Variants in TUBGCP3 observed in about 807,000 individuals in gnomAD.
The protein encoded by TUBGCP3 is gamma-tubulin complex component 3.
A neutral mutation model predicts 123.1 loss-of-function variants in TUBGCP3; 50 were observed. The ratio of observed to expected loss-of-function variants is 0.41; its 90% CI spans 0.32 to 0.51. The LOEUF (loss-of-function observed/expected upper bound fraction) is 0.51, where lower values mean the gene tolerates loss of function less well. TUBGCP3 is among the 20% of genes least tolerant of loss of function. The pLI is 0.36. For missense variants in TUBGCP3, 882 were observed against 1,127.0 expected (o/e 0.78, Z 3.11); for synonymous variants, 405 against 413.9 (o/e 0.98, Z 0.26).
intron 3 of TUBGCP3, 39 bp downstream of exon 3, chr13:112,565,072 A>C (rs113157783): frequency 6.4e-7 from 1 of 1,572,726 alleles, no homozygotes; most frequent in Non-Finnish European, 8.7e-7. Flanking sequence ...TCATATCCTC[A>C]ACAATGAGTG....
rs1876838552 is a variant in TUBGCP3, at chr13:112,524,012, C to A, written c.1556-1503G>T. ...GCCATGGACAGGACGACGGGGACCA[C>A]AGGAGTCGTCACAGAGAAGCAGCAG... On this transcript the variant is annotated intron_variant, in intron 13 of 21. Transcript: ENST00000261965. This position sits in a 1 kb window ranked among gnomAD's most constrained non-coding sequence, Gnocchi z 4.4. 6.6e-6 allele frequency among the ~76,000 whole-genome samples: 1 copy of A among 152,160 alleles called. No individual in the cohort carries two copies. Among genetic ancestry groups the A allele is most frequent in the Non-Finnish European group, 1.5e-5 (1 of 68,040 alleles).
the TUBGCP3 span, chr13:112,605,097 A>T: frequency 6.6e-6 from 1 of 152,248 alleles, no homozygotes; most frequent in African/African-American, 2.4e-5. Flanking sequence ...ACTTAAGGTC[A>T]GGAGTTTGAG....
Position 112,555,979 on chromosome 13 carries a change from G to A in TUBGCP3, c.721+73C>T, listed in dbSNP as rs542279318. On this transcript the variant is annotated intron_variant, in intron 6 of 21. Coordinates refer to ENST00000261965, the MANE Select transcript of TUBGCP3 (RefSeq NM_006322.6). ...AGGTTTGAGGTGGGGCTCCTGGGCT[G>A]TACTTTAAAATAAGGAGAGGCTGAA... 4.2e-5 allele frequency: 63 copies of A among 1,517,408 alleles called. No homozygotes were observed. The African/African-American group carries it at 7.1e-4, about 17-fold the overall frequency. The allele number at this position is 1,517,408 out of a possible 1,614,324, so 94.0% of individuals were successfully genotyped here.
the TUBGCP3 span, chr13:112,603,065 G>A: frequency 4.6e-5 from 7 of 152,190 alleles, no homozygotes; most frequent in Non-Finnish European, 7.3e-5. Flanking sequence ...TACTACTGAC[G>A]AGAAGAAATC....
chr13:112,572,172 T>C (rs1375660128), intron 1 of TUBGCP3, among the ~76,000 whole-genome samples: 1 of 152,240 alleles, frequency 6.6e-6, no homozygotes, highest in African/African-American at 2.4e-5. Context: ...GCTTTTGGCA[T>C]GCCTTCCTCA....
rs1280480847 is a variant in TUBGCP3 at position 112,548,944 on chromosome 13, A to G, written c.967-768T>C. ...CAGTGTGGCGATTCCTCAAGGATCT[A>G]GAGCTAGAAATACCATTTGACCCAG... is the stretch of plus-strand genomic sequence containing the variant. On this transcript the variant is annotated intron_variant, in intron 8 of 21. Transcript: ENST00000261965. Among the ~76,000 whole-genome samples, 6 of 152,348 alleles carry G rather than the reference A, an allele frequency of 3.9e-5. No homozygotes were observed. In the South Asian group the frequency reaches 1.2e-3, roughly 32 times the overall value.
intron 17 of TUBGCP3, among the ~76,000 whole-genome samples, chr13:112,512,044 A>C (rs748889302): frequency 1.8e-4 from 27 of 152,216 alleles, no homozygotes; most frequent in Admixed American, 2.6e-4. Flanking sequence ...TTAGACAAGA[A>C]ATAATTGAGT....
In TUBGCP3 at chr13:112,520,019, G is replaced by A. The variant is rs769047033; in HGVS notation, c.1748C>T (p.Pro583Leu). The A allele has an allele frequency of 3.7e-6, 6 of 1,604,708 alleles. No individual in the cohort carries two copies. The highest frequency in any genetic ancestry group is 5.1e-6 in the Non-Finnish European group (6 of 1,177,056). The change falls in exon 15 of 22, where the codon CCA becomes CTA. Residue 583 changes from proline (P) to leucine (L), a missense_variant and splice_region_variant. Coordinates refer to ENST00000261965, the MANE Select transcript of TUBGCP3 (RefSeq NM_006322.6). Reference sequence around the variant, plus strand: ...AGTCGTAGCTGGACGGACAAGTTCTGGTCTTAACAAATTTTTTAAAAATTA... The same window carrying A: ...AGTCGTAGCTGGACGGACAAGTTCTAGTCTTAACAAATTTTTTAAAAATTA... Reference protein sequence around the residue: ...FIRHLMDLLKPELVRPATTLY... With the variant: ...FIRHLMDLLKLELVRPATTLY...
chr13:112,517,946 T>C (rs1377053301), intron 16 of TUBGCP3, among the ~76,000 whole-genome samples: 1 of 152,166 alleles, frequency 6.6e-6, no homozygotes, highest in Non-Finnish European at 1.5e-5. Flanking sequence ...GCTTTTTGCA[T>C]TGTAACTATT....
intron 20 of TUBGCP3, among the ~76,000 whole-genome samples, chr13:112,496,385 C>T (rs922846221): frequency 6.6e-6 from 1 of 152,220 alleles, no homozygotes; most frequent in East Asian, 1.9e-4. Context: ...GCTTCGGTCC[C>T]AGCACACACC....
chr13:112,502,411 G>A (rs1021984601), intron 19 of TUBGCP3, among the ~76,000 whole-genome samples: 4 of 152,146 alleles, frequency 2.6e-5, no homozygotes, highest in African/African-American at 7.2e-5. Context: ...AATGCTTGTC[G>A]GCATCTGCTG....
At chr13:112,573,858 C>T (rs1594222987) in intron 1 of TUBGCP3, among the ~76,000 whole-genome samples, 1 of 152,204 alleles carries the variant, frequency 6.6e-6, no homozygotes, top group African/African-American at 2.4e-5. Flanking sequence ...AGAGGAGCAG[C>T]CCAACAGGGC....
upstream of TUBGCP3, among the ~76,000 whole-genome samples, chr13:112,590,831 AC>A (rs1220850101): frequency 6.6e-6 from 1 of 152,160 alleles, no homozygotes; most frequent in Non-Finnish European, 1.5e-5. Flanking sequence ...AAGTTTTAAA[AC>A]TCCCTTGACT....
chr13:112,540,635 G>A (rs1878446777), intron 11 of TUBGCP3, among the ~76,000 whole-genome samples: 1 of 149,986 alleles, frequency 6.7e-6, no homozygotes, highest in Non-Finnish European at 1.5e-5. Flanking sequence ...ACCTGGGAAT[G>A]AGGACGTCAA....
chr13:112,494,071 A>G (rs1365398397), intron 20 of TUBGCP3, among the ~76,000 whole-genome samples: 2 of 135,420 alleles, frequency 1.5e-5, no homozygotes, highest in Non-Finnish European at 3.2e-5. Context: ...GAGACACTCT[A>G]GCTATGGGAA....
Position 112,545,627 on chromosome 13 carries a change from A to G in TUBGCP3, c.1335+72T>C. On this transcript the variant is annotated intron_variant, in intron 11 of 21. Transcript: ENST00000261965. The surrounding 1 kb of genome is among the most constrained non-coding windows in gnomAD (Gnocchi z 4.1). Reference sequence around the variant, plus strand: ...AGGAGAACATGGTAATCATGAGGGGAAAAATGAAACAGCATAACTGCGTGC... The same window carrying G: ...AGGAGAACATGGTAATCATGAGGGGGAAAATGAAACAGCATAACTGCGTGC... 6.5e-7 allele frequency: 1 copy of G among 1,547,074 alleles called. No homozygotes were observed. Among genetic ancestry groups the G allele is most frequent in the South Asian group, 1.1e-5 (1 of 87,702 alleles).
At position 112,503,125 on chromosome 13, in the gene TUBGCP3, C is replaced by T. The variant is rs145340216; in HGVS notation, c.2307+907G>A. On this transcript the variant is annotated intron_variant, in intron 19 of 21. Transcript: ENST00000261965. ...CCAGCTGGAGGCAGCCCCTGCCAGT[C>T]GGAAACATCCGTGAAGTCTCGGAGT... 3.1e-3 allele frequency among the ~76,000 whole-genome samples: 470 copies of T among 152,182 alleles called. 1 individual carries two copies. Among genetic ancestry groups the T allele is most frequent in the Non-Finnish European group, 5.7e-3 (388 of 68,020 alleles).
chr13:112,487,053 A>ATGTGTGTGTG (rs10522089), intron 21 of TUBGCP3, among the ~76,000 whole-genome samples: 237 of 147,502 alleles, frequency 1.6e-3, no homozygotes, highest in African/African-American at 4.1e-3. Flanking sequence ...AACACTGTGT[A>ATGTGTGTGTG]TGTGTGTGTG....
In TUBGCP3 at chr13:112,545,119, G is replaced by C. The variant is rs144756688; in HGVS notation, c.1335+580C>G. On this transcript the variant is annotated intron_variant, in intron 11 of 21. Transcript: ENST00000261965. This position sits in a 1 kb window ranked among gnomAD's most constrained non-coding sequence, Gnocchi z 4.1. ...GCTTATGTATTTCTTAAACTTTAAC[G>C]TGTTAAACTGCACTACAACTTTTGT... 1.3e-5 allele frequency: 2 copies of C among 152,962 alleles called. No individual in the cohort carries two copies. The allele number at this position is 152,962 out of a possible 1,614,324, so 9.5% of individuals were successfully genotyped here. A position where few individuals can be genotyped will look rare whatever the true frequency, so the allele number is the denominator to read the frequency against.
Sources: allele counts gnomAD v4.1 joint callset (sites outside exome capture counted in the v4.1 genomes callset), GRCh38; gene constraint gnomAD v4.1.1; non-coding constraint Gnocchi (gnomAD v3.1); transcripts MANE v1.5; gene names NCBI Gene and HGNC (gene_info 2026-07-23, HGNC 2026-07-21).